Variants in ANTXR1 observed in about 807,000 individuals in gnomAD.
The protein encoded by ANTXR1 is ANTXR cell adhesion molecule 1.
A neutral mutation model predicts 78.1 loss-of-function variants in ANTXR1; 19 were observed. That is an observed-to-expected ratio of 0.24 (90% CI 0.17 to 0.36). The LOEUF (loss-of-function observed/expected upper bound fraction) is 0.36, where lower values mean the gene tolerates loss of function less well. ANTXR1 is among the 10% of genes least tolerant of loss of function. The probability of loss-of-function intolerance (pLI) is 1.00; values close to 1 mark genes in which losing one functional copy is unlikely to be tolerated. For missense variants in ANTXR1, 518 were observed against 718.6 expected, an observed-to-expected ratio of 0.72 and a Z score of 3.19; for synonymous variants, 273 against 260.5, an observed-to-expected ratio of 1.05 and a Z score of -0.46.
intron 16 of ANTXR1, chr2:69,183,008 A>G (rs531157385): frequency 2.1e-5 from 6 of 288,954 alleles, no homozygotes; most frequent in African/African-American, 1.4e-4. Context: ...CACCATGGCA[A>G]GGTACTGGAA....
At chr2:69,149,148 G>A in intron 12 of ANTXR1, among the ~76,000 whole-genome samples, 1 of 152,190 alleles carries the variant, frequency 6.6e-6, no homozygotes, top group East Asian at 1.9e-4. Flanking sequence ...GCAGTCTTCA[G>A]AGGAGGATAA....
intron 1 of ANTXR1, among the ~76,000 whole-genome samples, chr2:69,014,671 C>T (rs1010736768): frequency 6.6e-5 from 10 of 152,172 alleles, no homozygotes; most frequent in African/African-American, 2.4e-4. Flanking sequence ...ACTGAGTGAG[C>T]TCTCCAGTGC....
intron 12 of ANTXR1, among the ~76,000 whole-genome samples, chr2:69,127,693 G>A (rs1198209748): frequency 6.6e-6 from 1 of 152,136 alleles, no homozygotes; most frequent in Non-Finnish European, 1.5e-5. Flanking sequence ...GAGAGAAGTT[G>A]TCAGAGTTGG....
chr2:69,166,568 G>A (rs1180873920), intron 13 of ANTXR1, among the ~76,000 whole-genome samples: 2 of 152,298 alleles, frequency 1.3e-5, no homozygotes, highest in East Asian at 3.9e-4. Context: ...GTACTAGCCT[G>A]CAGAGTAGAA....
intron 12 of ANTXR1, among the ~76,000 whole-genome samples, chr2:69,150,033 G>A (rs1673348657): frequency 6.6e-6 from 1 of 152,218 alleles, no homozygotes; most frequent in South Asian, 2.1e-4. Context: ...TTGTGAGGCT[G>A]CAGCTCCCCT....
chr2:69,059,475 T>C (rs1209309747), intron 3 of ANTXR1, among the ~76,000 whole-genome samples: 2 of 143,886 alleles, frequency 1.4e-5, no homozygotes, highest in African/African-American at 5.6e-5. Flanking sequence ...TTCATCGAAG[T>C]GTGTACTTTT....
chr2:69,124,557 C>T lies in ANTXR1; in HGVS notation c.873-8C>T. 1 of 1,613,874 alleles carries T rather than the reference C, an allele frequency of 6.2e-7. No homozygotes were observed. Among genetic ancestry groups the T allele is most frequent in the South Asian group, 1.1e-5 (1 of 91,070 alleles). On this transcript the variant is annotated splice_polypyrimidine_tract_variant and splice_region_variant and intron_variant, in intron 11 of 17. Coordinates refer to ENST00000303714, the MANE Select transcript of ANTXR1 (RefSeq NM_032208.3). ...GCTGAGAGTCTGCTTCCCTTGTTGT[C>T]ATTGCAGGAAAGCTGCACTCCAGGT... is the stretch of plus-strand genomic sequence containing the variant.
chr2:69,116,127 A>C (rs185282844), intron 10 of ANTXR1, among the ~76,000 whole-genome samples: 1 of 152,204 alleles, frequency 6.6e-6, no homozygotes, highest in Non-Finnish European at 1.5e-5. Context: ...AATGTCTTCT[A>C]TCAAAAGCTT....
chr2:69,099,149 T>C (rs541619581), intron 9 of ANTXR1, among the ~76,000 whole-genome samples: 29 of 152,340 alleles, frequency 1.9e-4, no homozygotes, highest in Admixed American at 5.2e-4. Context: ...CAGCCACCAA[T>C]CTACTTTCTG....
At chr2:69,056,194 A>C (rs1670062225) in intron 3 of ANTXR1, among the ~76,000 whole-genome samples, 2 of 152,182 alleles carry the variant, frequency 1.3e-5, no homozygotes, top group South Asian at 4.1e-4. Context: ...TAGCATTCTC[A>C]TATCCAAAGC....
At chr2:69,089,885 T>C (rs1671171830) in intron 8 of ANTXR1, among the ~76,000 whole-genome samples, 1 of 152,210 alleles carries the variant, frequency 6.6e-6, no homozygotes, top group African/African-American at 2.4e-5. Context: ...TTGTTAAAAA[T>C]ACTTGATTCA....
chr2:69,115,784 C>T (rs1308395725), intron 10 of ANTXR1, among the ~76,000 whole-genome samples: 1 of 152,188 alleles, frequency 6.6e-6, no homozygotes, highest in Non-Finnish European at 1.5e-5. Context: ...CCAGGGAGGG[C>T]TTCCAAGGAA....
chr2:69,061,894 A>G (rs1016860062), intron 3 of ANTXR1, among the ~76,000 whole-genome samples: 6 of 152,236 alleles, frequency 3.9e-5, no homozygotes, highest in African/African-American at 1.4e-4. Flanking sequence ...GCTTCTGTTT[A>G]TGATATTCAG....
At chr2:69,090,981 C>T (rs1332464190) in intron 9 of ANTXR1, 62 bp downstream of exon 9, 14 of 1,528,976 alleles carry the variant, frequency 9.2e-6, no homozygotes, top group Non-Finnish European at 1.3e-5. Context: ...GTTCAAGTCA[C>T]GTATGTACTT....
chr2:69,120,656 A>G lies in ANTXR1; in HGVS notation c.803-2361A>G, dbSNP rs1672317503. Among the ~76,000 whole-genome samples, 3 of 152,060 alleles carry G rather than the reference A, an allele frequency of 2.0e-5. No homozygotes were observed. The South Asian group carries it at 6.2e-4, about 32-fold the overall frequency. On this transcript the variant is annotated intron_variant, in intron 10 of 17. Coordinates refer to ENST00000303714, the MANE Select transcript of ANTXR1 (RefSeq NM_032208.3). ...GCACTCCAGCCTGGGTGACAGAGTG[A>G]GACTCTCAGAAAAAAAAGATAATAA...
intron 12 of ANTXR1, among the ~76,000 whole-genome samples, chr2:69,140,857 CT>C (rs760413806): frequency 1.1e-4 from 17 of 152,310 alleles, no homozygotes; most frequent in Non-Finnish European, 2.5e-4. Flanking sequence ...GTACCTAATA[CT>C]TTTTCTATAC....
intron 13 of ANTXR1, among the ~76,000 whole-genome samples, chr2:69,163,966 G>T (rs1002878605): frequency 6.6e-6 from 1 of 152,184 alleles, no homozygotes; most frequent in Non-Finnish European, 1.5e-5. Context: ...TTTTGAGCTG[G>T]CACAGTTTTG....
At chr2:69,187,581 A>ATTTTTTTT (rs1401243331) in intron 16 of ANTXR1, among the ~76,000 whole-genome samples, 3 of 97,038 alleles carry the variant, frequency 3.1e-5, no homozygotes, top group African/African-American at 1.5e-4. Context: ...TTTATCATGT[A>ATTTTTTTT]TTTCTTTTTT....
At chr2:69,015,838 T>C (rs967646318) in intron 1 of ANTXR1, among the ~76,000 whole-genome samples, 3 of 152,136 alleles carry the variant, frequency 2.0e-5, no homozygotes, top group African/African-American at 7.2e-5. Context: ...TCTCTTAAGA[T>C]TGATTTTCAT....
Sources: gnomAD v4.1 joint callset for allele counts (sites outside exome capture counted in the v4.1 genomes callset) on GRCh38, gnomAD v4.1.1 for gene constraint, MANE v1.5 for transcripts, NCBI Gene and HGNC (gene_info 2026-07-23, HGNC 2026-07-21) for gene names.